The following SKAP1 variants were observed in gnomAD, a reference collection of about 807,000 sequenced individuals.
The protein encoded by SKAP1 is src kinase associated phosphoprotein 1, also known as src kinase-associated phosphoprotein 1.
In SKAP1, 44 loss-of-function variants were observed where a neutral mutation model predicts 58.5. The observed-to-expected ratio is 0.75, with a 90% CI of 0.59 to 0.97. The LOEUF is 0.97. Ranked by LOEUF, SKAP1 falls within the 50% of genes least tolerant of loss-of-function variation. The pLI, the probability that SKAP1 is intolerant of heterozygous loss-of-function variation, is 0.00. For synonymous variants in SKAP1, 127 were observed against 149.7 expected (o/e 0.85, Z 1.11); for missense variants, 390 against 435.2 (o/e 0.90, Z 0.92).
At chr17:48,290,312 TA>T (rs1214402257) in intron 4 of SKAP1, among the ~76,000 whole-genome samples, 2 of 152,138 alleles carry the variant, frequency 1.3e-5, no homozygotes, top group South Asian at 2.1e-4. Context: ...ACAAAACCAT[TA>T]AAAAATTATG....
intron 3 of SKAP1, among the ~76,000 whole-genome samples, chr17:48,352,455 G>A (rs1598603872): frequency 6.6e-6 from 1 of 152,136 alleles, no homozygotes; most frequent in East Asian, 1.9e-4. Context: ...ATTGTAAAAT[G>A]AATGCACTTA....
intron 11 of SKAP1, among the ~76,000 whole-genome samples, chr17:48,143,799 C>T (rs533246470): frequency 4.6e-4 from 70 of 152,332 alleles, no homozygotes; most frequent in African/African-American, 1.5e-3. Context: ...GCATCACCTG[C>T]AGGGGACAGT....
intron 3 of SKAP1, among the ~76,000 whole-genome samples, chr17:48,354,120 A>T (rs188239020): frequency 6.6e-6 from 1 of 152,322 alleles, no homozygotes; most frequent in East Asian, 1.9e-4. Flanking sequence ...CCAGCTTTTA[A>T]CATACTGAAG....
intron 4 of SKAP1, among the ~76,000 whole-genome samples, chr17:48,313,097 G>C (rs1207728319): frequency 8.1e-6 from 1 of 123,980 alleles, no homozygotes; most frequent in Non-Finnish European, 1.6e-5. Context: ...CTTGTTTATA[G>C]AAATATGGGT....
intron 1 of SKAP1, among the ~76,000 whole-genome samples, chr17:48,398,355 T>C (rs2067447928): frequency 6.6e-6 from 1 of 151,982 alleles, no homozygotes; most frequent in Non-Finnish European, 1.5e-5. Context: ...GATCTGTCAC[T>C]GACTCCTGTC....
chr17:48,289,546 GT>G (rs1567854348), intron 4 of SKAP1, among the ~76,000 whole-genome samples: 1 of 152,076 alleles, frequency 6.6e-6, no homozygotes, highest in African/African-American at 2.4e-5. Flanking sequence ...GCTGTGAGGT[GT>G]TGTGTTAAAC....
intron 4 of SKAP1, among the ~76,000 whole-genome samples, chr17:48,279,218 T>G (rs947275088): frequency 7.9e-5 from 12 of 151,690 alleles, no homozygotes; most frequent in African/African-American, 2.9e-4. Context: ...GAGAAAGACA[T>G]GGAGCAGAAA....
At chr17:48,290,965 A>G (rs1352424897) in intron 4 of SKAP1, among the ~76,000 whole-genome samples, 1 of 152,026 alleles carries the variant, frequency 6.6e-6, no homozygotes, top group Non-Finnish European at 1.5e-5. Context: ...ACATGGTGAG[A>G]ATGTTTCAAA....
intron 2 of SKAP1, among the ~76,000 whole-genome samples, chr17:48,394,772 T>C (rs925888552): frequency 3.9e-5 from 6 of 152,192 alleles, no homozygotes; most frequent in Non-Finnish European, 5.9e-5. Flanking sequence ...AGAGGTGATA[T>C]GGCTGAAGAA....
Position 48,178,097 on chromosome 17 carries a change from G to A in SKAP1, c.826+1957C>T, listed in dbSNP as rs186296404. Among the ~76,000 whole-genome samples the A allele has an allele frequency of 3.6e-3, 544 of 152,288 alleles. 3 individuals carry two copies. Among genetic ancestry groups the A allele is most frequent in the Middle Eastern group, 0.01 (3 of 294 alleles). ...GGTGCTGCATTGGCCAAGGGGAGGAGTTTAGGAGGCAGGAGAAAGATGGTC... is the reference window on the plus strand; with the variant it reads ...GGTGCTGCATTGGCCAAGGGGAGGAATTTAGGAGGCAGGAGAAAGATGGTC... On this transcript the variant is annotated intron_variant, in intron 9 of 12. Transcript: ENST00000336915.
rs571222897 is a variant in SKAP1, at chr17:48,267,303, T to C, written c.281-77803A>G. Among the ~76,000 whole-genome samples, 307 of 152,336 alleles carry C rather than the reference T, an allele frequency of 2.0e-3. 1 individual carries two copies. The highest frequency in any genetic ancestry group is 7.1e-3 in the African/African-American group (295 of 41,580). ...ACTTCTCAACATACATGATTTAACT[T>C]AAACAATACCTCAATTTTACTTTGT... On this transcript the variant is annotated intron_variant, in intron 4 of 12. Coordinates refer to ENST00000336915, the MANE Select transcript of SKAP1 (RefSeq NM_003726.4).
At chr17:48,415,052 GT>G (rs2067714785) in intron 1 of SKAP1, among the ~76,000 whole-genome samples, 1 of 152,160 alleles carries the variant, frequency 6.6e-6, no homozygotes, top group Non-Finnish European at 1.5e-5. Context: ...AGTTGCAAGG[GT>G]TTTTGTTGAT....
Position 48,134,896 on chromosome 17 carries a change from G to T in SKAP1, c.*8-1080C>A, listed in dbSNP as rs528712529. Among the ~76,000 whole-genome samples, 21 of 152,118 alleles carry T rather than the reference G, an allele frequency of 1.4e-4. No homozygotes were observed. In the South Asian group the frequency reaches 4.4e-3, roughly 32 times the overall value. On this transcript the variant is annotated intron_variant, in intron 12 of 12. Transcript: ENST00000336915. ...TTTTTGTATTTTTAGTAGAGATGGG[G>T]TTTCACCATGTTGGTGAGGCCGGTC...
At chr17:48,162,275 AT>A (rs1450749678) in intron 11 of SKAP1, among the ~76,000 whole-genome samples, 193 bp downstream of exon 11, 3 of 152,176 alleles carry the variant, frequency 2.0e-5, no homozygotes, top group Non-Finnish European at 4.4e-5. Flanking sequence ...CTAGCCTTGT[AT>A]TTTTAAATGT....
chr17:48,184,886 G>A (rs1330848892), intron 6 of SKAP1, 39 bp from the exon 7 acceptor site: 2 of 1,590,976 alleles, frequency 1.3e-6, no homozygotes, highest in Non-Finnish European at 1.7e-6. Context: ...CTAGAGAGAT[G>A]CAACTGCCAA....
intron 1 of SKAP1, among the ~76,000 whole-genome samples, chr17:48,416,909 C>A (rs189816016): frequency 6.6e-6 from 1 of 152,222 alleles, no homozygotes; most frequent in East Asian, 1.9e-4. Flanking sequence ...ATTTTCCTGT[C>A]CTATTAATTG....
At chr17:48,179,111 T>G (rs2064333962) in intron 9 of SKAP1, among the ~76,000 whole-genome samples, 1 of 152,250 alleles carries the variant, frequency 6.6e-6, no homozygotes, top group African/African-American at 2.4e-5. Context: ...GACTTGAGTG[T>G]TAGATTCACC....
At chr17:48,193,827 G>A in intron 4 of SKAP1, 1 of 674,792 alleles carries the variant, frequency 1.5e-6, no homozygotes, top group East Asian at 1.3e-4. Context: ...TAGAAAGTAT[G>A]TAAAATATGC....
At chr17:48,188,924 A>G in intron 5 of SKAP1, among the ~76,000 whole-genome samples, 1 of 152,170 alleles carries the variant, frequency 6.6e-6, no homozygotes, top group East Asian at 1.9e-4. Context: ...CGCTTGAACC[A>G]GGAGGTGGAG....
Sources: allele counts gnomAD v4.1 joint callset (sites outside exome capture counted in the v4.1 genomes callset), GRCh38; gene constraint gnomAD v4.1.1; transcripts MANE v1.5; gene names NCBI Gene and HGNC (gene_info 2026-07-23, HGNC 2026-07-21).